The following RINT1 variants were observed in gnomAD, a reference collection of about 807,000 sequenced individuals.
The protein encoded by RINT1 is RAD50-interacting protein 1.
A neutral mutation model predicts 97.7 loss-of-function variants in RINT1; 75 were observed. That is an observed-to-expected ratio of 0.77 (90% CI 0.64 to 0.93). RINT1 has a LOEUF of 0.93. Ranked by LOEUF, RINT1 falls within the 40% of genes least tolerant of loss-of-function variation. RINT1 has a pLI of 0.00. For missense variants in RINT1, 892 were observed against 925.2 expected (o/e 0.96, Z 0.47); for synonymous variants, 303 against 326.3 (o/e 0.93, Z 0.77).
At chr7:105,565,829 A>G (rs981411498) in intron 14 of RINT1, among the ~76,000 whole-genome samples, 181 bp downstream of exon 14, 7 of 152,234 alleles carry the variant, frequency 4.6e-5, no homozygotes, top group Admixed American at 4.6e-4. Flanking sequence ...GATGTGACCC[A>G]TGACCTCAAA....
At chr7:105,541,359 A>T (rs1490091977) in intron 3 of RINT1, among the ~76,000 whole-genome samples, 2 of 139,704 alleles carry the variant, frequency 1.4e-5, no homozygotes, top group Non-Finnish European at 3.1e-5. Context: ...CTGGTCTTGA[A>T]CTCCTGACCT....
intron 11 of RINT1, among the ~76,000 whole-genome samples, chr7:105,562,008 T>A (rs2133454232): frequency 6.6e-6 from 1 of 152,234 alleles, no homozygotes; most frequent in East Asian, 1.9e-4. Context: ...TGAAAATAAG[T>A]CTTAATTCTA....
intron 2 of RINT1, among the ~76,000 whole-genome samples, chr7:105,533,634 G>A (rs1251322948): frequency 6.6e-6 from 1 of 152,210 alleles, no homozygotes; most frequent in Non-Finnish European, 1.5e-5. Flanking sequence ...GCCCTTAGGA[G>A]TAAGATTTGC....
intron 4 of RINT1, among the ~76,000 whole-genome samples, chr7:105,545,049 A>T (rs193058655): frequency 1.3e-5 from 2 of 152,124 alleles, no homozygotes; most frequent in Admixed American, 1.3e-4. Flanking sequence ...TGGATACTAT[A>T]GTATAGCACT....
chr7:105,560,831 C>T (rs573749198), intron 11 of RINT1, among the ~76,000 whole-genome samples: 6 of 152,190 alleles, frequency 3.9e-5, no homozygotes, highest in African/African-American at 1.4e-4. Flanking sequence ...AGTTATTCTC[C>T]TGCCTCAGCT....
intron 10 of RINT1, among the ~76,000 whole-genome samples, chr7:105,554,045 C>A (rs1482638997): frequency 6.6e-6 from 1 of 151,746 alleles, no homozygotes; most frequent in Non-Finnish European, 1.5e-5. Context: ...ACTACAGGCA[C>A]CCGCCACCAC....
chr7:105,540,526 T>G (rs1038476113), intron 3 of RINT1, among the ~76,000 whole-genome samples: 16 of 152,114 alleles, frequency 1.1e-4, no homozygotes, highest in Admixed American at 9.2e-4. Context: ...CCTCCCAAAG[T>G]GCTAGGATTA....
rs1790498733 is a variant in RINT1 at position 105,542,494 on chromosome 7, T to C, written c.360T>C (p.Phe120=). 1.2e-6 allele frequency: 2 copies of C among 1,614,014 alleles called. No homozygotes were observed. Among genetic ancestry groups the C allele is most frequent in the South Asian group, 2.2e-5 (2 of 91,064 alleles). Residue 120 remains phenylalanine, a synonymous_variant, in exon 4 of 15, where the codon TTT becomes TTC. Transcript: ENST00000257700. ...AATCAAAGCAATTTCTTAATCAGTT[T>C]CTGGAGCAGGAAACTCATCTCTTCA... The part of the protein sequence containing the change: ...AEESKQFLNQ[F]LEQETHLFSA...
Position 105,546,956 on chromosome 7 carries a change from G to T in RINT1, c.562G>T (p.Ala188Ser), listed in dbSNP as rs1790692676. 1 of 1,613,216 alleles carries T rather than the reference G, an allele frequency of 6.2e-7. No homozygotes were observed. Reference protein sequence around the residue: ...YLMTNNVPEAASTLVSMAELD... With the variant: ...YLMTNNVPEASSTLVSMAELD... ...GATGACCAATAATGTACCGGAGGCAGCCTCCACTCTAGTGTCTATGGCAGA... is the reference window on the plus strand; with the variant it reads ...GATGACCAATAATGTACCGGAGGCATCCTCCACTCTAGTGTCTATGGCAGA... The change falls in exon 5 of 15, where the codon GCC (alanine) becomes TCC (serine). Residue 188 changes from alanine (A) to serine (S), a missense_variant. Transcript: ENST00000257700.
intron 3 of RINT1, among the ~76,000 whole-genome samples, chr7:105,538,586 C>G (rs1790336543): frequency 6.6e-6 from 1 of 152,230 alleles, no homozygotes; most frequent in Non-Finnish European, 1.5e-5. Flanking sequence ...TCAGCCCCAC[C>G]AGCAGTCCTT....
intron 1 of RINT1, 51 bp downstream of exon 1, chr7:105,532,408 TG>T (rs1317389952): frequency 6.4e-7 from 1 of 1,566,150 alleles, no homozygotes; most frequent in African/African-American, 1.4e-5. Context: ...CCCATTGAGG[TG>T]GCACAGACCT....
chr7:105,533,214 C>G (rs905496688), intron 2 of RINT1, among the ~76,000 whole-genome samples: 1 of 152,024 alleles, frequency 6.6e-6, no homozygotes, highest in Non-Finnish European at 1.5e-5. Flanking sequence ...TTGGAGGGGC[C>G]CATGATCTAG....
intron 9 of RINT1, among the ~76,000 whole-genome samples, chr7:105,551,033 A>C (rs1040533475): frequency 2.0e-5 from 3 of 151,800 alleles, no homozygotes; most frequent in Admixed American, 2.0e-4. Flanking sequence ...AGAATATTTT[A>C]TTTTTTTATT....
At position 105,567,626 on chromosome 7, in the gene RINT1, GA is replaced by G. The variant is rs1791825644; in HGVS notation, c.*318del. 3.6e-6 allele frequency: 2 copies of G among 551,824 alleles called. No individual in the cohort carries two copies. The highest frequency in any genetic ancestry group is 6.4e-6 in the Non-Finnish European group (2 of 314,002). The allele number at this position is 551,824 out of a possible 1,614,324, so 34.2% of individuals were successfully genotyped here. On this transcript the variant is annotated 3_prime_UTR_variant, in exon 15 of 15. Transcript: ENST00000257700. Reference sequence around the variant, plus strand: ...TTTCAATTTCCTGTGCTAATTAAGGGAAATTCTGTTGTGGATAATCAAACAT... The same window carrying G: ...TTTCAATTTCCTGTGCTAATTAAGGGAATTCTGTTGTGGATAATCAAACAT...
At chr7:105,547,432 A>G (rs1790716580) in intron 6 of RINT1, 99 bp downstream of exon 6, 2 of 1,202,340 alleles carry the variant, frequency 1.7e-6, no homozygotes. Flanking sequence ...AAGAAAGCCA[A>G]ATAAGAATCC....
intron 11 of RINT1, among the ~76,000 whole-genome samples, chr7:105,559,104 TG>T (rs1159431732): frequency 1.3e-5 from 2 of 151,858 alleles, no homozygotes; most frequent in East Asian, 3.9e-4. Context: ...GTTATGATGG[TG>T]CAAATCTGGC....
At chr7:105,532,736 C>G in intron 1 of RINT1, 88 bp from the exon 2 acceptor site, 4 of 1,369,432 alleles carry the variant, frequency 2.9e-6, no homozygotes, top group Non-Finnish European at 3.1e-6. Context: ...ACCTCTCTTG[C>G]CTCCAGTGGG....
intron 11 of RINT1, among the ~76,000 whole-genome samples, chr7:105,560,850 A>G (rs760833975): frequency 3.9e-5 from 6 of 151,986 alleles, no homozygotes; most frequent in Non-Finnish European, 7.4e-5. Context: ...CTTCCTGAGT[A>G]GCTGGGATTA....
intron 3 of RINT1, among the ~76,000 whole-genome samples, chr7:105,537,125 ATT>A (rs5886357): frequency 0.015 from 1,749 of 113,250 alleles, 21 homozygotes; most frequent in African/African-American, 0.036. Flanking sequence ...CATCATTTCA[ATT>A]TTTTTTTTTT....
Sources: allele counts gnomAD v4.1 joint callset (sites outside exome capture counted in the v4.1 genomes callset), GRCh38; gene constraint gnomAD v4.1.1; transcripts MANE v1.5; gene names NCBI Gene and HGNC (gene_info 2026-07-23, HGNC 2026-07-21).